Variants in SEPTIN9 observed in about 807,000 individuals in gnomAD.
SEPTIN9 encodes septin-9.
In SEPTIN9, 13 loss-of-function variants were observed where a neutral mutation model predicts 56.6. The observed-to-expected ratio is 0.23, with a 90% CI of 0.15 to 0.37. The LOEUF is 0.37. Ranked by LOEUF, SEPTIN9 falls within the 10% of genes least tolerant of loss-of-function variation. SEPTIN9 has a pLI of 1.00. For synonymous variants in SEPTIN9, 332 were observed against 334.1 expected (o/e 0.99, Z 0.07); for missense variants, 650 against 823.1 (o/e 0.79, Z 2.57).
intron 2 of SEPTIN9, 69 bp downstream of exon 2, chr17:77,307,266 T>C: frequency 7.0e-7 from 1 of 1,421,238 alleles, no homozygotes; most frequent in Non-Finnish European, 9.9e-7. Context: ...CCCTTCATTC[T>C]GGTCTGGGAC....
At chr17:77,412,779 G>A (rs2036350019) in intron 3 of SEPTIN9, among the ~76,000 whole-genome samples, 1 of 151,806 alleles carries the variant, frequency 6.6e-6, no homozygotes, top group African/African-American at 2.4e-5. Flanking sequence ...CGAGTATCTT[G>A]TCCCCAGCTG....
intron 2 of SEPTIN9, among the ~76,000 whole-genome samples, chr17:77,353,012 C>T (rs1211415537): frequency 2.0e-5 from 3 of 152,164 alleles, no homozygotes; most frequent in African/African-American, 7.2e-5. Context: ...AATATGCCCT[C>T]AAATAACCCA....
At position 77,310,650 on chromosome 17, in the gene SEPTIN9, C is replaced by T. The variant is rs535063630; in HGVS notation, c.76+3453C>T. ...TCAGCCCTTCTAGATGTTACCACCACGCCCTCCCGAGTGGCCTTCTGGTAG... is the reference window on the plus strand; with the variant it reads ...TCAGCCCTTCTAGATGTTACCACCATGCCCTCCCGAGTGGCCTTCTGGTAG... On this transcript the variant is annotated intron_variant, in intron 2 of 11. Transcript: ENST00000427177. The surrounding 1 kb of genome is among the most constrained non-coding windows in gnomAD (Gnocchi z 4.7). Among the ~76,000 whole-genome samples, 36 of 152,274 alleles carry T rather than the reference C, an allele frequency of 2.4e-4. No homozygotes were observed. Among genetic ancestry groups the T allele is most frequent in the Admixed American group, 1.7e-3 (26 of 15,302 alleles).
At chr17:77,418,234 G>T (rs1184057119) in intron 3 of SEPTIN9, among the ~76,000 whole-genome samples, 2 of 152,186 alleles carry the variant, frequency 1.3e-5, no homozygotes, top group Non-Finnish European at 2.9e-5. Context: ...TCAGCCTCTT[G>T]TGGGTCTGAA....
At chr17:77,467,595 C>T (rs371902340) in intron 3 of SEPTIN9, among the ~76,000 whole-genome samples, 5 of 152,244 alleles carry the variant, frequency 3.3e-5, no homozygotes, top group East Asian at 3.8e-4. Flanking sequence ...CCTCCCACCC[C>T]GGCTGTCCCA....
intron 3 of SEPTIN9, among the ~76,000 whole-genome samples, chr17:77,410,997 A>T (rs1313817263): frequency 2.0e-5 from 3 of 151,942 alleles, no homozygotes; most frequent in Admixed American, 6.6e-5. Context: ...AGGCAGGAGA[A>T]TCACTTGAAC....
intron 3 of SEPTIN9, among the ~76,000 whole-genome samples, chr17:77,430,811 C>T (rs1360293805): frequency 3.3e-5 from 5 of 151,726 alleles, no homozygotes; most frequent in African/African-American, 7.3e-5. Context: ...GTCAACATGG[C>T]GAAACCCCAT....
Position 77,466,427 on chromosome 17 carries a change from C to T in SEPTIN9, c.722-15717C>T, listed in dbSNP as rs1026969774. The T allele has an allele frequency of 2.1e-5, 21 of 985,520 alleles. No individual in the cohort carries two copies. The Admixed American group carries it at 1.3e-3, about 60-fold the overall frequency. 61.0% of individuals were successfully genotyped at this position (985,520 alleles called of 1,614,324 possible). ...CTGGAAGGGCCTGGGAGGGGACAGG[C>T]TCCCACCCCAGGAGCTTCCAGGTTC... is the stretch of plus-strand genomic sequence containing the variant. On this transcript the variant is annotated intron_variant, in intron 3 of 11. Transcript: ENST00000427177.
intron 2 of SEPTIN9, chr17:77,373,412 GC>G: frequency 7.8e-7 from 1 of 1,278,306 alleles, no homozygotes. Flanking sequence ...CGGGCGCGGC[GC>G]CCCAGCCAGC....
At chr17:77,482,112 C>A (rs1329317672) in intron 3 of SEPTIN9, 32 bp from the exon 4 acceptor site, 4 of 1,534,374 alleles carry the variant, frequency 2.6e-6, no homozygotes, top group South Asian at 1.2e-5. Flanking sequence ...AGCCCCTGTT[C>A]CGCTCTAACT....
At chr17:77,448,347 A>G (rs1344265463) in intron 3 of SEPTIN9, among the ~76,000 whole-genome samples, 1 of 152,076 alleles carries the variant, frequency 6.6e-6, no homozygotes, top group Non-Finnish European at 1.5e-5. Flanking sequence ...ATGGTGGTGT[A>G]CGCCTGTAGT....
At chr17:77,334,832 A>G (rs1337286952) in intron 2 of SEPTIN9, among the ~76,000 whole-genome samples, 1 of 152,126 alleles carries the variant, frequency 6.6e-6, no homozygotes, top group Non-Finnish European at 1.5e-5. Context: ...GGTCAGGGTT[A>G]ATTCTTGTTT....
At chr17:77,468,718 G>C (rs1190857084) in intron 3 of SEPTIN9, among the ~76,000 whole-genome samples, 1 of 152,202 alleles carries the variant, frequency 6.6e-6, no homozygotes, top group Non-Finnish European at 1.5e-5. Flanking sequence ...ATGGAAACCA[G>C]TCACGGCTTC....
chr17:77,447,864 A>T (rs758473299), intron 3 of SEPTIN9, among the ~76,000 whole-genome samples: 14 of 152,180 alleles, frequency 9.2e-5, no homozygotes, highest in Admixed American at 9.2e-4. Context: ...ACCTCAGGCA[A>T]TGTGCTCGCC....
chr17:77,409,071 T>C (rs2036194583), intron 3 of SEPTIN9, among the ~76,000 whole-genome samples: 1 of 152,096 alleles, frequency 6.6e-6, no homozygotes, highest in Non-Finnish European at 1.5e-5. Flanking sequence ...GGCACTGACG[T>C]TCCTGCCGGG....
intron 1 of SEPTIN9, among the ~76,000 whole-genome samples, chr17:77,290,612 G>A (rs898731202): frequency 5.9e-5 from 9 of 151,618 alleles, no homozygotes; most frequent in African/African-American, 2.2e-4. Context: ...CAGATCACAA[G>A]GTCAGAAGAT....
chr17:77,455,798 C>T (rs1050372565), intron 3 of SEPTIN9, among the ~76,000 whole-genome samples: 2 of 152,208 alleles, frequency 1.3e-5, no homozygotes, highest in Admixed American at 6.5e-5. Flanking sequence ...ATTGTGTGAC[C>T]GCAGATTTTC....
Position 77,330,968 on chromosome 17 carries a change from C to T in SEPTIN9, c.76+23771C>T, listed in dbSNP as rs561359513. The stretch of plus-strand genomic sequence containing the variant: ...GGAGCTCACCTGGAGTCCCAGGCAG[C>T]AGATTCGATGCAGTGATGCAGGGCT... On this transcript the variant is annotated intron_variant, in intron 2 of 11. Coordinates refer to ENST00000427177, the MANE Select transcript of SEPTIN9 (RefSeq NM_001113491.2). The surrounding 1 kb of genome is among the most constrained non-coding windows in gnomAD (Gnocchi z 4.4). Among the ~76,000 whole-genome samples, 5 of 152,344 alleles carry T rather than the reference C, an allele frequency of 3.3e-5. No homozygotes were observed. In the South Asian group the frequency reaches 1.0e-3, roughly 32 times the overall value.
intron 1 of SEPTIN9, among the ~76,000 whole-genome samples, chr17:77,299,450 TC>T (rs1292233426): frequency 2.0e-5 from 3 of 152,244 alleles, no homozygotes; most frequent in Non-Finnish European, 4.4e-5. Flanking sequence ...ATGCCTACAA[TC>T]CCAGTGCTTT....
Sources: allele counts gnomAD v4.1 joint callset (sites outside exome capture counted in the v4.1 genomes callset), GRCh38; gene constraint gnomAD v4.1.1; non-coding constraint Gnocchi (gnomAD v3.1); transcripts MANE v1.5; gene names NCBI Gene and HGNC (gene_info 2026-07-23, HGNC 2026-07-21).